Variants in DHX8 observed in about 807,000 individuals in gnomAD.
DHX8 encodes the protein ATP-dependent RNA helicase DHX8.
DHX8 carries 67 observed loss-of-function variants against 140.7 expected under a neutral mutation model. The observed-to-expected ratio is 0.48, with a 90% CI of 0.39 to 0.58. The LOEUF is 0.58. DHX8 is among the 20% of genes least tolerant of loss of function. DHX8 has a pLI of 0.00. For missense variants in DHX8, 887 were observed against 1,550.7 expected, an observed-to-expected ratio of 0.57 and a Z score of 7.19; for synonymous variants, 533 against 553.2, an observed-to-expected ratio of 0.96 and a Z score of 0.51.
intron 2 of DHX8, among the ~76,000 whole-genome samples, chr17:43,535,299 A>G (rs1305660558): frequency 6.6e-6 from 1 of 151,770 alleles, no homozygotes; most frequent in Non-Finnish European, 1.5e-5. Context: ...TTTTTTTGAG[A>G]TGGAGCCTCG....
At chr17:43,530,735 A>G (rs1380750779), downstream of DHX8, among the ~76,000 whole-genome samples, 3 of 152,058 alleles carry the variant, frequency 2.0e-5, no homozygotes, top group Admixed American at 6.5e-5. Context: ...ACTTCGTTTC[A>G]TTCCATTCCA....
At chr17:43,530,452 A>G (rs1970854606), downstream of DHX8, 4 of 1,357,038 alleles carry the variant, frequency 2.9e-6, no homozygotes, top group South Asian at 4.9e-5. Context: ...GAAGGGCCCA[A>G]GCTGCCAGGG....
chr17:43,516,186 A>G (rs1970106361), intron 17 of DHX8, among the ~76,000 whole-genome samples: 1 of 151,904 alleles, frequency 6.6e-6, no homozygotes, highest in Non-Finnish European at 1.5e-5. Context: ...TGAGTATTTA[A>G]TTTTCCTATT....
intron 1 of DHX8, among the ~76,000 whole-genome samples, chr17:43,485,631 AG>A (rs1968094647): frequency 6.6e-6 from 1 of 152,110 alleles, no homozygotes; most frequent in South Asian, 2.1e-4. Flanking sequence ...AGAACAAGAC[AG>A]ATTTCTGCTT....
chr17:43,517,601 T>C (rs1299334540), intron 18 of DHX8: 2 of 361,098 alleles, frequency 5.5e-6, no homozygotes, highest in Admixed American at 9.0e-5. Context: ...AAAAGGAAAT[T>C]AGAAAAATAT....
chr17:43,535,537 A>G (rs1469831840), intron 2 of DHX8, among the ~76,000 whole-genome samples: 1 of 152,116 alleles, frequency 6.6e-6, no homozygotes, highest in Non-Finnish European at 1.5e-5. Flanking sequence ...TCAGCCTCCC[A>G]AAGTGCTGGG....
chr17:43,538,007 G>C (rs1971334505), intron 3 of DHX8, among the ~76,000 whole-genome samples: 1 of 152,046 alleles, frequency 6.6e-6, no homozygotes, highest in Non-Finnish European at 1.5e-5. Context: ...GCGGGTGCCT[G>C]TAGTCCCAGC....
At chr17:43,538,600 C>G (rs1424660083) in intron 3 of DHX8, among the ~76,000 whole-genome samples, 1 of 152,186 alleles carries the variant, frequency 6.6e-6, no homozygotes, top group Non-Finnish European at 1.5e-5. Flanking sequence ...CTTATTCTGG[C>G]CTCCCCAGAG....
Position 43,522,239 on chromosome 17 carries a change from G to A in DHX8, c.3443+13G>A. On this transcript the variant is annotated intron_variant, in intron 22 of 22. Coordinates refer to ENST00000262415, the MANE Select transcript of DHX8 (RefSeq NM_004941.3). ...GACAGCCAGAATGGTAGGTGGACATGTCCCAGGGTCTAGGGGCTTTTCTGG... is the reference window on the plus strand; with the variant it reads ...GACAGCCAGAATGGTAGGTGGACATATCCCAGGGTCTAGGGGCTTTTCTGG... 1 of 1,610,064 alleles carries A rather than the reference G, an allele frequency of 6.2e-7. No individual in the cohort carries two copies. The highest frequency in any genetic ancestry group is 8.5e-7 in the Non-Finnish European group (1 of 1,177,138).
At chr17:43,528,726 G>A (rs556620242), downstream of DHX8, 20 of 1,614,092 alleles carry the variant, frequency 1.2e-5, no homozygotes, top group South Asian at 4.4e-5. Flanking sequence ...ACTTGTACAC[G>A]TAACGCTCAC....
chr17:43,504,139 G>A lies in DHX8; in HGVS notation c.1547-505G>A, dbSNP rs1969362484. On this transcript the variant is annotated intron_variant, in intron 11 of 22. Transcript: ENST00000262415. ...TTGTGAATTACATCTCGATATAGCA[G>A]TTATTTAAAAAGGGGAGAGTGCTGC... Among the ~76,000 whole-genome samples the A allele has an allele frequency of 2.0e-5, 3 of 152,120 alleles. No individual in the cohort carries two copies. In the South Asian group the frequency reaches 6.2e-4, roughly 31 times the overall value.
intron 22 of DHX8, 37 bp from the exon 23 acceptor site, chr17:43,523,591 A>G: frequency 6.2e-7 from 1 of 1,611,096 alleles, no homozygotes; most frequent in South Asian, 1.1e-5. Flanking sequence ...TGGGGCCTAT[A>G]TCCAGAGGCT....
intron 18 of DHX8, chr17:43,519,762 A>T (rs1336996935): frequency 2.3e-5 from 4 of 176,948 alleles, no homozygotes; most frequent in Non-Finnish European, 4.8e-5. Flanking sequence ...CCAACATGGT[A>T]AAACGCCATC....
intron 3 of DHX8, among the ~76,000 whole-genome samples, chr17:43,536,848 C>T (rs1297598748): frequency 6.6e-6 from 1 of 152,258 alleles, no homozygotes; most frequent in Admixed American, 6.5e-5. Flanking sequence ...TAGTGTCTTC[C>T]ACCTCTGGGC....
chr17:43,493,155 C>T, intron 6 of DHX8, 115 bp downstream of exon 6: 2 of 1,385,198 alleles, frequency 1.4e-6, no homozygotes, highest in Admixed American at 4.4e-5. Context: ...TCAAATCAGC[C>T]ATACATGGTT....
At chr17:43,503,301 C>G (rs760896665) in intron 11 of DHX8, among the ~76,000 whole-genome samples, 3 of 152,002 alleles carry the variant, frequency 2.0e-5, no homozygotes, top group East Asian at 1.9e-4. Context: ...AGTTTGAGAC[C>G]AGCCTAGCCA....
At position 43,520,862 on chromosome 17, in the gene DHX8, G is replaced by A. The variant is rs35620635; in HGVS notation, c.3049G>A (p.Val1017Ile). ...TIVSMLSVQN[V>I]FYRPKDKQAL... ...TGTATCCATGCTGTCTGTGCAGAAC[G>A]TCTTCTATAGGCCCAAGGTAGGAAG... The change falls in exon 20 of 23, where the codon GTC becomes ATC. Residue 1017 changes from valine (V) to isoleucine (I), a missense_variant. Physicochemically the swap from Val to Ile is conservative, Grantham distance 29. Coordinates refer to ENST00000262415, the MANE Select transcript of DHX8 (RefSeq NM_004941.3). 2,230 of 1,611,614 alleles carry A rather than the reference G, an allele frequency of 1.4e-3. 3 individuals carry two copies. The highest frequency in any genetic ancestry group is 5.3e-3 in the Middle Eastern group (32 of 6,052).
chr17:43,492,956 A>T lies in DHX8; in HGVS notation c.779A>T (p.Glu260Val). The change falls in exon 6 of 23, where the codon GAA (glutamate) becomes GTA (valine). Residue 260 changes from glutamate (E) to valine (V), a missense_variant. By Grantham distance (121) the Glu-to-Val change is moderately radical (BLOSUM62 -2). Transcript: ENST00000262415. ...AAGCATGTGGACCGCCCTCCTCCAG[A>T]AGAGCCCACCATTGGTGACATTTAT... ...RDKHVDRPPP[E>V]EPTIGDIYNG... 6.2e-7 allele frequency: 1 copy of T among 1,614,206 alleles called. No individual in the cohort carries two copies. Among genetic ancestry groups the T allele is most frequent in the African/African-American group, 1.3e-5 (1 of 75,056 alleles).
Position 43,504,639 on chromosome 17 carries a change from T to G in DHX8, c.1547-5T>G. The G allele has an allele frequency of 6.2e-7, 1 of 1,604,800 alleles. No homozygotes were observed. The highest frequency in any genetic ancestry group is 1.3e-5 in the African/African-American group (1 of 74,486). ...CAATACTAAGTTGCCTGTTTTCCTT[T>G]CCAGCGGAAGGCAGACAGATTGCTG... is the stretch of plus-strand genomic sequence containing the variant. On this transcript the variant is annotated splice_region_variant and splice_polypyrimidine_tract_variant and intron_variant, in intron 11 of 22. Coordinates refer to ENST00000262415, the MANE Select transcript of DHX8 (RefSeq NM_004941.3).
Sources: gnomAD v4.1 joint callset for allele counts (sites outside exome capture counted in the v4.1 genomes callset) on GRCh38, gnomAD v4.1.1 for gene constraint, MANE v1.5 for transcripts, NCBI Gene and HGNC (gene_info 2026-07-23, HGNC 2026-07-21) for gene names.